Variants in HOXB4 observed in about 807,000 individuals in gnomAD.
HOXB4 encodes the protein homeobox protein Hox-B4.
HOXB4 carries 13 observed loss-of-function variants against 20.0 expected under a neutral mutation model. That is an observed-to-expected ratio of 0.65 (90% confidence interval 0.42 to 1.03). The LOEUF is 1.03. HOXB4 is among the 50% of genes least tolerant of loss of function. The probability of loss-of-function intolerance (pLI) is 0.00; values close to 1 mark genes in which losing one functional copy is unlikely to be tolerated. For synonymous variants in HOXB4, 173 were observed against 148.9 expected (o/e 1.16, Z -1.18); for missense variants, 343 against 357.1 (o/e 0.96, Z 0.32).
chr17:48,577,913 C>T lies in HOXB4; in HGVS notation c.407G>A (p.Cys136Tyr), dbSNP rs2069818853. 2.9e-6 allele frequency: 4 copies of T among 1,375,884 alleles called. No homozygotes were observed. Among genetic ancestry groups the T allele is most frequent in the African/African-American group, 1.5e-5 (1 of 66,916 alleles). The allele number at this position is 1,375,884 out of a possible 1,614,324, so 85.2% of individuals were successfully genotyped here. A position where few individuals can be genotyped will look rare whatever the true frequency, so the allele number is the denominator to read the frequency against. ...CCAGGGGTAGACGACGGGCTCTTTG[C>T]ACGCGGAGTGGGACGGGCTGGGGTG... Reference protein sequence around the residue: ...PLHPSPSHSACKEPVVYPWMR... With the variant: ...PLHPSPSHSAYKEPVVYPWMR... The change falls in exon 1 of 2, where the codon TGC (cysteine) becomes TAC (tyrosine). Residue 136 changes from cysteine to tyrosine, a missense_variant. Physicochemically the swap from Cys to Tyr is radical, Grantham distance 194. Coordinates refer to ENST00000332503, the MANE Select transcript of HOXB4 (RefSeq NM_024015.5).
chr17:48,577,878 C>T lies in HOXB4; in HGVS notation c.442G>A (p.Val148Ile), dbSNP rs767354189. 3 of 1,396,840 alleles carry T rather than the reference C, an allele frequency of 2.1e-6. No homozygotes were observed. Among genetic ancestry groups the T allele is most frequent in the Non-Finnish European group, 2.8e-6 (3 of 1,070,310 alleles). 86.5% of individuals were successfully genotyped at this position (1,396,840 alleles called of 1,614,324 possible). A position where few individuals can be genotyped will look rare whatever the true frequency, so the allele number is the denominator to read the frequency against. The part of the protein sequence containing the change: ...EPVVYPWMRK[V>I]HVSTVNPNYA... ...ACGCACTCACCCGTGCTCACGTGAA[C>T]TTTGCGCATCCAGGGGTAGACGACG... Residue 148 changes from valine (V) to isoleucine (I), a missense_variant, in exon 1 of 2, where the codon GTT (valine) becomes ATT (isoleucine). Around this residue, in one of 3 missense-constraint regions of HOXB4, gnomAD observed 241 missense variants for 222.0 expected, o/e 1.09. Coordinates refer to ENST00000332503, the MANE Select transcript of HOXB4 (RefSeq NM_024015.5).
At position 48,577,916 on chromosome 17, in the gene HOXB4, G is replaced by A; in HGVS notation, c.404C>T (p.Ala135Val). ...GGGGTAGACGACGGGCTCTTTGCAC[G>A]CGGAGTGGGACGGGCTGGGGTGCAG... ...NPLHPSPSHSACKEPVVYPWM... is the reference protein window; with the variant it reads ...NPLHPSPSHSVCKEPVVYPWM... Residue 135 changes from alanine (A) to valine (V), a missense_variant, in exon 1 of 2, where the codon GCG becomes GTG. By Grantham distance (64) the Ala-to-Val change is moderately conservative (BLOSUM62 0). Coordinates refer to ENST00000332503, the MANE Select transcript of HOXB4 (RefSeq NM_024015.5). 1.5e-6 allele frequency: 2 copies of A among 1,375,906 alleles called. No homozygotes were observed. Among genetic ancestry groups the A allele is most frequent in the Non-Finnish European group, 1.9e-6 (2 of 1,057,846 alleles). 85.2% of individuals were successfully genotyped at this position (1,375,906 alleles called of 1,614,324 possible).
Position 48,576,461 on chromosome 17 carries a change from CTTTTT to C in HOXB4, c.*256_*260del, listed in dbSNP as rs2069765809. The C allele has an allele frequency of 2.6e-6, 1 of 386,272 alleles. No homozygotes were observed. Among genetic ancestry groups the C allele is most frequent in the South Asian group, 1.1e-4 (1 of 9,344 alleles). The allele number at this position is 386,272 out of a possible 1,614,324, so 23.9% of individuals were successfully genotyped here. ...TCTTTCTTCCTTCTTCTTGCTTTTT[CTTTTT>C]CTTTTTTTTAAGAAAGAAAGCAAGA... On this transcript the variant is annotated 3_prime_UTR_variant, in exon 2 of 2. Transcript: ENST00000332503.
At position 48,578,065 on chromosome 17, in the gene HOXB4, T is replaced by TGGCGGGGGC. The variant is rs1268987221; in HGVS notation, c.246_254dup (p.Pro85_Pro87dup). Reference sequence around the variant, plus strand: ...GAGCCCGAGGGGACAGACCGGGCGGTGGCGGGGGCGGCGGGGGTGGTGGCG... The same window carrying TGGCGGGGGC: ...GAGCCCGAGGGGACAGACCGGGCGGTGGCGGGGGCGGCGGGGGCGGCGGGGGTGGTGGCG... On this transcript the variant is annotated inframe_insertion, in exon 1 of 2. Coordinates refer to ENST00000332503, the MANE Select transcript of HOXB4 (RefSeq NM_024015.5). The TGGCGGGGGC allele has an allele frequency of 1.2e-5, 2 of 161,474 alleles. No homozygotes were observed. Among genetic ancestry groups the TGGCGGGGGC allele is most frequent in the South Asian group, 2.8e-4 (1 of 3,628 alleles). The allele number at this position is 161,474 out of a possible 1,614,324, so 10.0% of individuals were successfully genotyped here.
chr17:48,578,014 G>A lies in HOXB4; in HGVS notation c.306C>T (p.Leu102=). The change falls in exon 1 of 2, where the codon CTC becomes CTT. Residue 102 remains leucine, a synonymous_variant. Transcript: ENST00000332503. ...CGCAGCGCTGGCCGGGCTCCGGGAG[G>A]AGGGCCCCGGCGGGTGGCGGCGCAG... ...RAPAPPPAGA[L]LPEPGQRCEA... is the part of the protein sequence containing the mutation. 3 of 1,274,754 alleles carry A rather than the reference G, an allele frequency of 2.4e-6. No homozygotes were observed. Among genetic ancestry groups the A allele is most frequent in the Non-Finnish European group, 3.0e-6 (3 of 1,008,230 alleles). 79.0% of individuals were successfully genotyped at this position (1,274,754 alleles called of 1,614,324 possible). A position where few individuals can be genotyped will look rare whatever the true frequency, so the allele number is the denominator to read the frequency against.
chr17:48,577,834 G>A, intron 1 of HOXB4, 29 bp downstream of exon 1: 1 of 1,390,020 alleles, frequency 7.2e-7, no homozygotes, highest in Non-Finnish European at 9.3e-7. Flanking sequence ...TCCAGGGGTG[G>A]GAGGGGGAAG....
chr17:48,577,838 G>T, intron 1 of HOXB4, 25 bp downstream of exon 1: 1 of 1,393,284 alleles, frequency 7.2e-7, no homozygotes, highest in Non-Finnish European at 9.3e-7. Context: ...GGGGTGGGAG[G>T]GGGAAGGGGT....
In HOXB4 at chr17:48,575,924, G is replaced by A. The variant is rs2069741857; in HGVS notation, c.*798C>T. On this transcript the variant is annotated 3_prime_UTR_variant, in exon 2 of 2. Transcript: ENST00000332503. ...GGCTTGGCTTGGCCTTTCAGAGGAA[G>A]GCCCTCCCGGGTCTCTGAGTCTCTC... 6.6e-6 allele frequency: 1 copy of A among 152,464 alleles called. No individual in the cohort carries two copies. The highest frequency in any genetic ancestry group is 2.4e-5 in the African/African-American group (1 of 41,418). 9.4% of individuals were successfully genotyped at this position (152,464 alleles called of 1,614,324 possible).
Position 48,577,921 on chromosome 17 carries a change from G to T in HOXB4, c.399C>A (p.His133Gln). The change falls in exon 1 of 2, where the codon CAC becomes CAA. Residue 133 changes from histidine (H) to glutamine (Q), a missense_variant. Transcript: ENST00000332503. ...AGACGACGGGCTCTTTGCACGCGGA[G>T]TGGGACGGGCTGGGGTGCAGGGGGT... ...AQNPLHPSPS[H>Q]SACKEPVVYP... 7.3e-7 allele frequency: 1 copy of T among 1,373,848 alleles called. No individual in the cohort carries two copies. Among genetic ancestry groups the T allele is most frequent in the Middle Eastern group, 1.9e-4 (1 of 5,160 alleles). The allele number at this position is 1,373,848 out of a possible 1,614,324, so 85.1% of individuals were successfully genotyped here.
In HOXB4 at chr17:48,576,548, A is replaced by G; in HGVS notation, c.*174T>C. ...CGTGGCCCTCTATTGTCATTTCTAT[A>G]AATAAAGCTTCCCCTCCCCCTCTTC... On this transcript the variant is annotated 3_prime_UTR_variant, in exon 2 of 2. Coordinates refer to ENST00000332503, the MANE Select transcript of HOXB4 (RefSeq NM_024015.5). The G allele has an allele frequency of 2.0e-6, 1 of 504,800 alleles. No homozygotes were observed. The highest frequency in any genetic ancestry group is 3.3e-6 in the Non-Finnish European group (1 of 299,000). The allele number at this position is 504,800 out of a possible 1,614,324, so 31.3% of individuals were successfully genotyped here.
In HOXB4 at chr17:48,576,164, T is replaced by C. The variant is rs1258681879; in HGVS notation, c.*558A>G. On this transcript the variant is annotated 3_prime_UTR_variant, in exon 2 of 2. Transcript: ENST00000332503. ...GCACTATCTGGCAGTCAGAGGGTGC[T>C]TTCGCTGGGTATCGGGAGTGGGGGA... The C allele has an allele frequency of 6.5e-6, 1 of 152,940 alleles. No homozygotes were observed. The highest frequency in any genetic ancestry group is 2.4e-5 in the African/African-American group (1 of 41,454). The allele number at this position is 152,940 out of a possible 1,614,324, so 9.5% of individuals were successfully genotyped here.
chr17:48,577,119 T>G, intron 1 of HOXB4, 99 bp from the exon 2 acceptor site: 2 of 1,170,370 alleles, frequency 1.7e-6, no homozygotes, highest in Non-Finnish European at 2.4e-6. Flanking sequence ...TCCCTCCCTC[T>G]CCCGCCACCT....
chr17:48,576,658 C>CCCCCAA lies in HOXB4; in HGVS notation c.*63_*64insTTGGGG. ...CCCAGGGCCCCCTCCTGTCCCCCCA[C>CCCCCAA]CCCATCCCCTGCACTCACTGCCCAC... On this transcript the variant is annotated 3_prime_UTR_variant, in exon 2 of 2. Coordinates refer to ENST00000332503, the MANE Select transcript of HOXB4 (RefSeq NM_024015.5). 2.4e-6 allele frequency: 2 copies of CCCCCAA among 846,706 alleles called. No homozygotes were observed. The highest frequency in any genetic ancestry group is 3.4e-5 in the Admixed American group (1 of 29,306). The allele number at this position is 846,706 out of a possible 1,614,324, so 52.4% of individuals were successfully genotyped here.
In HOXB4 at chr17:48,576,793, G is replaced by C. The variant is rs746670209; in HGVS notation, c.685C>G (p.Arg229Gly). The C allele has an allele frequency of 1.2e-6, 2 of 1,614,202 alleles. No individual in the cohort carries two copies. The highest frequency in any genetic ancestry group is 2.2e-5 in the South Asian group (2 of 91,086). ...KDHKLPNTKI[R>G]SGGAAGSAGG... ...GCTGAGCCTGCCGCACCACCCGAGCGGATCTTGGTGTTGGGCAACTTGTGG... is the reference window on the plus strand; with the variant it reads ...GCTGAGCCTGCCGCACCACCCGAGCCGATCTTGGTGTTGGGCAACTTGTGG... The change falls in exon 2 of 2, where the codon CGC becomes GGC. Residue 229 changes from arginine to glycine, a missense_variant. By Grantham distance (125) the Arg-to-Gly change is moderately radical. Around this residue, in one of 3 missense-constraint regions of HOXB4, gnomAD observed 48 missense variants for 44.8 expected, o/e 1.07. Coordinates refer to ENST00000332503, the MANE Select transcript of HOXB4 (RefSeq NM_024015.5).
chr17:48,577,821 AG>A, intron 1 of HOXB4, 41 bp downstream of exon 1: 1 of 1,371,630 alleles, frequency 7.3e-7, no homozygotes, highest in Non-Finnish European at 9.4e-7. Flanking sequence ...TTTGGTGTAA[AG>A]CTCCAGGGGT....
In HOXB4 at chr17:48,576,745, T is replaced by C. The variant is rs956781625; in HGVS notation, c.733A>G (p.Asn245Asp). The change falls in exon 2 of 2, where the codon AAT becomes GAT. Residue 245 changes from asparagine (N) to aspartate (D), a missense_variant. Around this residue, in one of 3 missense-constraint regions of HOXB4, gnomAD observed 48 missense variants for 44.8 expected, o/e 1.07. Transcript: ENST00000332503. ...GSAGGPPGRP[N>D]GGPRAL ...CACTAGAGCGCGCGGGGGCCTCCAT[T>C]GGGCCGGCCAGGGGGCCCTCCGGCT... The C allele has an allele frequency of 8.2e-6, 13 of 1,593,400 alleles. No individual in the cohort carries two copies. Among genetic ancestry groups the C allele is most frequent in the Middle Eastern group, 1.7e-4 (1 of 5,972 alleles).
In HOXB4 at chr17:48,578,306, G is replaced by A; in HGVS notation, c.14C>T (p.Ser5Phe). 2 of 1,609,764 alleles carry A rather than the reference G, an allele frequency of 1.2e-6. No homozygotes were observed. Among genetic ancestry groups the A allele is most frequent in the South Asian group, 2.2e-5 (2 of 90,524 alleles). The stretch of plus-strand genomic sequence containing the variant: ...GACATAGTTTGAGTTGATCAAAAAA[G>A]AACTCATAGCCATTAATTTCTGGGA... MAMS[S>F]FLINSNYVDP... The change falls in exon 1 of 2, where the codon TCT becomes TTT. Residue 5 changes from serine to phenylalanine, a missense_variant. By Grantham distance (155) the Ser-to-Phe change is radical. This residue lies in a region of HOXB4 where 241 missense variants were observed against 222.0 expected (regional missense o/e 1.09). Coordinates refer to ENST00000332503, the MANE Select transcript of HOXB4 (RefSeq NM_024015.5).
rs1356756301 is a variant in HOXB4 at position 48,578,189 on chromosome 17, C to A, written c.131G>T (p.Arg44Leu). The change falls in exon 1 of 2, where the codon CGA becomes CTA. Residue 44 changes from arginine to leucine, a missense_variant. Physicochemically the swap from Arg to Leu is moderately radical, Grantham distance 102. Coordinates refer to ENST00000332503, the MANE Select transcript of HOXB4 (RefSeq NM_024015.5). Reference protein sequence around the residue: ...SPGYYAGGQRRESSFQPEAGF... With the variant: ...SPGYYAGGQRLESSFQPEAGF... Reference sequence around the variant, plus strand: ...CGCCTCCGGCTGGAAGCTGCTCTCTCGCCTCTGGCCGCCGGCGTAGTACCC... The same window carrying A: ...CGCCTCCGGCTGGAAGCTGCTCTCTAGCCTCTGGCCGCCGGCGTAGTACCC... 1.2e-6 allele frequency: 2 copies of A among 1,612,852 alleles called. No individual in the cohort carries two copies. Among genetic ancestry groups the A allele is most frequent in the Admixed American group, 1.7e-5 (1 of 59,910 alleles).
chr17:48,577,961 G>A lies in HOXB4; in HGVS notation c.359C>T (p.Pro120Leu). ...GTGCAGGGGGTTCTGGGCGCAGGGA[G>A]GCGGCGGGGGGCTGCTGCTGACCGC... ...CEAVSSSPPPPPCAQNPLHPS... is the reference protein window; with the variant it reads ...CEAVSSSPPPLPCAQNPLHPS... Residue 120 changes from proline (P) to leucine (L), a missense_variant, in exon 1 of 2, where the codon CCT becomes CTT. Transcript: ENST00000332503. 1.5e-6 allele frequency: 2 copies of A among 1,315,796 alleles called. No individual in the cohort carries two copies. The highest frequency in any genetic ancestry group is 1.9e-6 in the Non-Finnish European group (2 of 1,027,610). The allele number at this position is 1,315,796 out of a possible 1,614,324, so 81.5% of individuals were successfully genotyped here. A position where few individuals can be genotyped will look rare whatever the true frequency, so the allele number is the denominator to read the frequency against.
Sources: gnomAD v4.1 joint callset for allele counts on GRCh38, gnomAD v4.1.1 for gene constraint, gnomAD v4.1.1 regional missense constraint, MANE v1.5 for transcripts, NCBI Gene and HGNC (gene_info 2026-07-23, HGNC 2026-07-21) for gene names.